Variants in PCDH15 observed in about 807,000 individuals in gnomAD.
PCDH15 encodes protocadherin related 15.
Under a neutral mutation model 178.5 loss-of-function variants are expected in PCDH15, and 129 were observed. The observed-to-expected ratio is 0.72, with a 90% CI of 0.63 to 0.84. The LOEUF is 0.84. Ranked by LOEUF, PCDH15 falls within the 40% of genes least tolerant of loss-of-function variation. The pLI, the probability that PCDH15 is intolerant of heterozygous loss-of-function variation, is 0.00. For missense variants in PCDH15, 2,230 were observed against 2,099.9 expected, an observed-to-expected ratio of 1.06 and a Z score of -1.21; for synonymous variants, 800 against 732.0, an observed-to-expected ratio of 1.09 and a Z score of -1.50.
intron 3 of PCDH15, among the ~76,000 whole-genome samples, chr10:54,892,133 C>G (rs1262274722): frequency 6.6e-6 from 1 of 152,032 alleles, no homozygotes; most frequent in Admixed American, 6.6e-5. Context: ...ATTGGCAACA[C>G]CAAAAGACTG....
At chr10:55,472,518 T>C (rs966752787) in intron 2 of PCDH15, among the ~76,000 whole-genome samples, 8 of 143,784 alleles carry the variant, frequency 5.6e-5, no homozygotes, top group African/African-American at 1.5e-4. Flanking sequence ...ACTCTAATAA[T>C]AGGTAGAATC....
At chr10:55,475,532 T>C (rs151285021) in intron 2 of PCDH15, among the ~76,000 whole-genome samples, 47 of 152,228 alleles carry the variant, frequency 3.1e-4, no homozygotes, top group African/African-American at 1.1e-3. Context: ...TGAGTCCTGG[T>C]ATGATGCCAT....
At chr10:55,249,852 T>C (rs1841787742) in intron 1 of PCDH15, among the ~76,000 whole-genome samples, 3 of 152,014 alleles carry the variant, frequency 2.0e-5, no homozygotes. Flanking sequence ...TTCTGGTTTA[T>C]TCATAATTTA....
intron 1 of PCDH15, among the ~76,000 whole-genome samples, chr10:55,222,601 T>C (rs528897196): frequency 1.3e-5 from 2 of 151,604 alleles, no homozygotes; most frequent in South Asian, 4.2e-4. Context: ...ATTATCTTTT[T>C]ATCCTACTGA....
At chr10:54,827,713 A>G (rs536743804) in intron 3 of PCDH15, among the ~76,000 whole-genome samples, 10 of 152,194 alleles carry the variant, frequency 6.6e-5, no homozygotes, top group South Asian at 4.1e-4. Context: ...ATTATTGTAG[A>G]GCTAATCACC....
intron 2 of PCDH15, among the ~76,000 whole-genome samples, chr10:55,080,718 C>T (rs1348058453): frequency 2.6e-5 from 4 of 152,118 alleles, no homozygotes; most frequent in Non-Finnish European, 5.9e-5. Flanking sequence ...CCCTCCAGCT[C>T]ACCCACCCCA....
intron 3 of PCDH15, among the ~76,000 whole-genome samples, chr10:54,827,844 G>A (rs1362318173): frequency 6.6e-6 from 1 of 152,018 alleles, no homozygotes; most frequent in Non-Finnish European, 1.5e-5. Context: ...AATTTGGAAT[G>A]GGGATTTAAA....
intron 15 of PCDH15, among the ~76,000 whole-genome samples, chr10:54,129,497 G>A (rs1024345409): frequency 6.6e-6 from 1 of 152,154 alleles, no homozygotes; most frequent in Non-Finnish European, 1.5e-5. Context: ...ATCCATGATG[G>A]ACATATAGTG....
intron 2 of PCDH15, among the ~76,000 whole-genome samples, chr10:54,640,547 C>T (rs1245747841): frequency 6.6e-6 from 1 of 151,748 alleles, no homozygotes; most frequent in Non-Finnish European, 1.5e-5. Context: ...GTGATGTCAC[C>T]CTGCGTAGCT....
chr10:55,437,302 C>T (rs949576604), intron 2 of PCDH15, among the ~76,000 whole-genome samples: 1 of 152,064 alleles, frequency 6.6e-6, no homozygotes, highest in African/African-American at 2.4e-5. Flanking sequence ...GAGTTTGGGC[C>T]CTTTAAAGTG....
chr10:55,141,207 A>T (rs1466294200), intron 2 of PCDH15, among the ~76,000 whole-genome samples: 1 of 151,950 alleles, frequency 6.6e-6, no homozygotes, highest in East Asian at 1.9e-4. Context: ...CAGCTCAACT[A>T]ATGTTGTCAA....
At chr10:55,329,923 A>G (rs1002773829) in intron 2 of PCDH15, among the ~76,000 whole-genome samples, 32 of 151,778 alleles carry the variant, frequency 2.1e-4, no homozygotes, top group African/African-American at 7.5e-4. Context: ...TAGAGACTCC[A>G]ATGTGGACAC....
At chr10:54,632,024 A>C (rs1251183541) in intron 2 of PCDH15, among the ~76,000 whole-genome samples, 1 of 152,092 alleles carries the variant, frequency 6.6e-6, no homozygotes. Flanking sequence ...TCATCAAGAC[A>C]TGGAATCAAC....
At position 54,664,019 on chromosome 10, in the gene PCDH15, T is replaced by C. The variant is rs181908414; in HGVS notation, c.91+153A>G. 1.0e-3 allele frequency among the ~76,000 whole-genome samples: 156 copies of C among 152,152 alleles called. 1 individual carries two copies. The East Asian group carries it at 0.012, about 12-fold the overall frequency. ...CAAAGGACATCTGATTTCACTTTTC[T>C]AAGCTTATTTTAGTTAAGGTTAATT... is the stretch of plus-strand genomic sequence containing the variant. On this transcript the variant is annotated intron_variant, in intron 2 of 37. Coordinates refer to ENST00000644397, the MANE Select transcript of PCDH15 (RefSeq NM_001384140.1).
intron 1 of PCDH15, among the ~76,000 whole-genome samples, chr10:54,773,410 A>C (rs1041972090): frequency 1.3e-5 from 2 of 152,214 alleles, no homozygotes; most frequent in African/African-American, 4.8e-5. Flanking sequence ...ATTATAAATG[A>C]AAGATTTAAA....
At chr10:54,504,543 G>A (rs1195607058) in intron 3 of PCDH15, among the ~76,000 whole-genome samples, 1 of 152,064 alleles carries the variant, frequency 6.6e-6, no homozygotes, top group Admixed American at 6.6e-5. Context: ...CCTCTTGAAG[G>A]GTTGAAAATT....
At chr10:53,807,812 C>CTAAT (rs1841299412) in intron 37 of PCDH15, among the ~76,000 whole-genome samples, 1 of 152,056 alleles carries the variant, frequency 6.6e-6, no homozygotes, top group Admixed American at 6.6e-5. Flanking sequence ...AAACTGAAAG[C>CTAAT]TAATTATTAT....
intron 1 of PCDH15, among the ~76,000 whole-genome samples, chr10:54,671,263 T>C (rs1265108410): frequency 6.6e-6 from 1 of 152,158 alleles, no homozygotes; most frequent in African/African-American, 2.4e-5. Flanking sequence ...AGAAAAATGA[T>C]TCTGATTAAT....
chr10:54,755,662 A>G (rs1328332624), intron 1 of PCDH15, among the ~76,000 whole-genome samples: 1 of 152,102 alleles, frequency 6.6e-6, no homozygotes, highest in Non-Finnish European at 1.5e-5. Context: ...TATATGAATT[A>G]TGAATTAATC....
Sources: allele counts gnomAD v4.1 joint callset (sites outside exome capture counted in the v4.1 genomes callset), GRCh38; gene constraint gnomAD v4.1.1; transcripts MANE v1.5; gene names NCBI Gene and HGNC (gene_info 2026-07-23, HGNC 2026-07-21).